Variants in PCDHA8 observed in about 807,000 individuals in gnomAD.
PCDHA8 encodes the protein protocadherin alpha-8.
Under a neutral mutation model 61.8 loss-of-function variants are expected in PCDHA8, and 53 were observed. The ratio of observed to expected loss-of-function variants is 0.86; its 90% CI spans 0.69 to 1.08. PCDHA8 has a LOEUF of 1.08. PCDHA8 is among the 50% of genes least tolerant of loss of function. The pLI, the probability that PCDHA8 is intolerant of heterozygous loss-of-function variation, is 0.00. For missense variants in PCDHA8, 1,293 were observed against 1,245.0 expected, an observed-to-expected ratio of 1.04 and a Z score of -0.58; for synonymous variants, 618 against 556.6, an observed-to-expected ratio of 1.11 and a Z score of -1.55.
chr5:140,907,690 G>C (rs761914004), intron 1 of PCDHA8, among the ~76,000 whole-genome samples: 1 of 152,196 alleles, frequency 6.6e-6, no homozygotes, highest in African/African-American at 2.4e-5. Context: ...TTGGTGAGTG[G>C]AAGTCCCTGT....
At chr5:141,009,036 T>C (rs782309668) in intron 3 of PCDHA8, among the ~76,000 whole-genome samples, 7 of 152,242 alleles carry the variant, frequency 4.6e-5, no homozygotes, top group Non-Finnish European at 1.0e-4. Context: ...TCCCATCCCG[T>C]TCCCAGTCAA....
chr5:140,965,440 T>C (rs1028835719), intron 1 of PCDHA8, among the ~76,000 whole-genome samples: 42 of 151,984 alleles, frequency 2.8e-4, no homozygotes, highest in Admixed American at 1.3e-4. Context: ...GTCATTGAAA[T>C]TGCTGGTTAT....
At chr5:140,899,841 T>C (rs2067584927) in intron 1 of PCDHA8, among the ~76,000 whole-genome samples, 1 of 152,208 alleles carries the variant, frequency 6.6e-6, no homozygotes, top group Non-Finnish European at 1.5e-5. Flanking sequence ...CAGGTCTTGC[T>C]GTGTCACCCA....
Position 140,966,485 on chromosome 5 carries a change from C to G in PCDHA8, c.2395-12464C>G, listed in dbSNP as rs564574047. 5.5e-4 allele frequency: 237 copies of G among 432,246 alleles called. 1 individual carries two copies. The highest frequency in any genetic ancestry group is 4.6e-3 in the African/African-American group (223 of 48,858). 26.8% of individuals were successfully genotyped at this position (432,246 alleles called of 1,614,324 possible). A position where few individuals can be genotyped will look rare whatever the true frequency, so the allele number is the denominator to read the frequency against. Reference sequence around the variant, plus strand: ...TCTTCCCTTCTGTTTCCTTTTCCCTCCCCCTGGAGCTGTAGCGGCAGCAGC... The same window carrying G: ...TCTTCCCTTCTGTTTCCTTTTCCCTGCCCCTGGAGCTGTAGCGGCAGCAGC... On this transcript the variant is annotated intron_variant, in intron 1 of 3. Transcript: ENST00000531613.
At chr5:141,002,557 CAGTT>C (rs2098085452) in intron 3 of PCDHA8, among the ~76,000 whole-genome samples, 1 of 152,180 alleles carries the variant, frequency 6.6e-6, no homozygotes, top group South Asian at 2.1e-4. Flanking sequence ...CAGGATCCAC[CAGTT>C]AGTGACCATG....
At chr5:140,877,721 A>G in intron 1 of PCDHA8, 1 of 1,614,000 alleles carries the variant, frequency 6.2e-7, no homozygotes, top group East Asian at 2.2e-5. Context: ...AGTTGGTCTT[A>G]CTCGCAGCAG....
At chr5:140,877,705 G>A (rs974017564) in intron 1 of PCDHA8, 1 of 1,614,016 alleles carries the variant, frequency 6.2e-7, no homozygotes, top group South Asian at 1.1e-5. Flanking sequence ...CTCCAGCGCC[G>A]TGGGGAGTTG....
In PCDHA8 at chr5:140,928,021, T is replaced by G. The variant is rs1554205382; in HGVS notation, c.2395-50928T>G. ...CCTCGATTCTAATGGTAGGGTCATT[T>G]GTGGCATGTCTAGTGCAGGCCCTTT... On this transcript the variant is annotated intron_variant, in intron 1 of 3. Coordinates refer to ENST00000531613, the MANE Select transcript of PCDHA8 (RefSeq NM_018911.3). 3 of 1,614,220 alleles carry G rather than the reference T, an allele frequency of 1.9e-6. No individual in the cohort carries two copies. The African/African-American group carries it at 4.0e-5, about 22-fold the overall frequency.
chr5:141,001,448 G>A (rs1465333650), intron 3 of PCDHA8, among the ~76,000 whole-genome samples: 1 of 152,190 alleles, frequency 6.6e-6, no homozygotes, highest in Non-Finnish European at 1.5e-5. Context: ...TCTTTCCACT[G>A]TCAATTGAAG....
intron 3 of PCDHA8, among the ~76,000 whole-genome samples, chr5:140,995,578 T>C (rs1554254730): frequency 1.3e-5 from 2 of 152,256 alleles, no homozygotes; most frequent in African/African-American, 4.8e-5. Flanking sequence ...AGATGAGCTA[T>C]GAGCTTTTAA....
intron 1 of PCDHA8, chr5:140,869,801 T>C: frequency 6.2e-7 from 1 of 1,612,816 alleles, no homozygotes; most frequent in African/African-American, 1.3e-5. Flanking sequence ...GTCCAAGTCT[T>C]GGATGTCAAC....
chr5:140,867,581 T>C (rs1322597888), intron 1 of PCDHA8: 1 of 152,170 alleles, frequency 6.6e-6, no homozygotes, highest in Non-Finnish European at 1.5e-5. Context: ...GCCCTTGCAG[T>C]ATTTTTAGAT....
In PCDHA8 at chr5:140,884,465, G is replaced by A. The variant is rs782791774; in HGVS notation, c.2394+40750G>A. 8.1e-6 allele frequency: 13 copies of A among 1,613,634 alleles called. No homozygotes were observed. In the South Asian group the frequency reaches 9.9e-5, roughly 12 times the overall value. ...GGCACCGCCCACCGAGGGCGCGTGCGCGCCGGGCAAGCCCACTCTAGTGTG... is the reference window on the plus strand; with the variant it reads ...GGCACCGCCCACCGAGGGCGCGTGCACGCCGGGCAAGCCCACTCTAGTGTG... On this transcript the variant is annotated intron_variant, in intron 1 of 3. Coordinates refer to ENST00000531613, the MANE Select transcript of PCDHA8 (RefSeq NM_018911.3).
intron 1 of PCDHA8, chr5:140,968,722 T>A (rs1379540261): frequency 6.2e-7 from 1 of 1,613,728 alleles, no homozygotes; most frequent in Non-Finnish European, 8.5e-7. Context: ...GAGATGAGAG[T>A]GGTAGCACTT....
intron 1 of PCDHA8, among the ~76,000 whole-genome samples, chr5:140,925,964 C>CA (rs782520997): frequency 4.3e-4 from 65 of 150,204 alleles, no homozygotes; most frequent in Middle Eastern, 3.4e-3. Flanking sequence ...TGCTATCACG[C>CA]AAAAAAAAAG....
intron 3 of PCDHA8, among the ~76,000 whole-genome samples, chr5:140,986,642 T>C (rs1213431039): frequency 6.6e-6 from 1 of 152,174 alleles, no homozygotes; most frequent in Non-Finnish European, 1.5e-5. Flanking sequence ...ACATTAGTTT[T>C]AGAGTGGGAG....
chr5:140,857,508 C>T, intron 1 of PCDHA8: 3 of 1,598,226 alleles, frequency 1.9e-6, no homozygotes, highest in Non-Finnish European at 2.6e-6. Context: ...CAGGAGAACG[C>T]CCTGGTGTCC....
At chr5:140,877,149 C>T in intron 1 of PCDHA8, 5 of 1,613,766 alleles carry the variant, frequency 3.1e-6, no homozygotes, top group Non-Finnish European at 4.2e-6. Flanking sequence ...TGGACGAGAA[C>T]GACAACGCGC....
At chr5:140,929,183 C>G (rs148631412) in intron 1 of PCDHA8, 1 of 1,614,144 alleles carries the variant, frequency 6.2e-7, no homozygotes, top group East Asian at 2.2e-5. Flanking sequence ...GGACTTGGTT[C>G]TGATAATAAC....
Sources: gnomAD v4.1 joint callset for allele counts (sites outside exome capture counted in the v4.1 genomes callset) on GRCh38, gnomAD v4.1.1 for gene constraint, MANE v1.5 for transcripts, NCBI Gene and HGNC (gene_info 2026-07-23, HGNC 2026-07-21) for gene names.